The following XPR1 variants were observed in gnomAD, a reference collection of about 807,000 sequenced individuals.
XPR1 encodes the protein solute carrier family 53 member 1.
XPR1 carries 28 observed loss-of-function variants against 87.5 expected under a neutral mutation model. The observed-to-expected ratio is 0.32, with a 90% confidence interval of 0.24 to 0.44. The LOEUF (loss-of-function observed/expected upper bound fraction) is 0.44. Ranked by LOEUF, XPR1 falls within the 20% of genes least tolerant of loss-of-function variation. The pLI, the probability that XPR1 is intolerant of heterozygous loss-of-function variation, is 1.00. For synonymous variants in XPR1, 300 were observed against 306.1 expected (o/e 0.98, Z 0.21); for missense variants, 559 against 862.3 (o/e 0.65, Z 4.41).
At chr1:180,731,335 G>A (rs201584099) in intron 2 of XPR1, among the ~76,000 whole-genome samples, 1 of 152,276 alleles carries the variant, frequency 6.6e-6, no homozygotes, top group African/African-American at 2.4e-5. Context: ...CAGGTGCTGC[G>A]GCCGAGGGGA....
chr1:180,699,202 ATTCT>A (rs1365232128), intron 2 of XPR1, among the ~76,000 whole-genome samples: 2 of 123,782 alleles, frequency 1.6e-5, no homozygotes, highest in Admixed American at 8.1e-5. Flanking sequence ...AGTTTCTTTT[ATTCT>A]TTCTTTTTTT....
chr1:180,716,130 TG>T (rs1053070267), intron 2 of XPR1, among the ~76,000 whole-genome samples: 1 of 152,112 alleles, frequency 6.6e-6, no homozygotes, highest in Non-Finnish European at 1.5e-5. Context: ...TACAGAGTTT[TG>T]GGGGGTTTTT....
At chr1:180,824,664 G>T in intron 7 of XPR1, 89 bp from the exon 8 acceptor site, 1 of 1,128,856 alleles carries the variant, frequency 8.9e-7, no homozygotes, top group African/African-American at 1.6e-5. Context: ...CTATGCCAGG[G>T]CTATATCATT....
Position 180,882,967 on chromosome 1 carries a change from G to GTTTTTTTTTTTTTTT in XPR1, c.2031-1037_2031-1036insTTTTTTTTTTTTTTT, listed in dbSNP as rs1156645233. Among the ~76,000 whole-genome samples, 282 of 150,476 alleles carry GTTTTTTTTTTTTTTT rather than the reference G, an allele frequency of 1.9e-3. 1 individual carries two copies. Among genetic ancestry groups the GTTTTTTTTTTTTTTT allele is most frequent in the African/African-American group, 6.2e-3 (251 of 40,346 alleles). On this transcript the variant is annotated intron_variant, in intron 14 of 14. Transcript: ENST00000367590. Reference sequence around the variant, plus strand: ...TCTTATATTTGTTTTTTGGGGGTTGGTTGTTTTTTTTTGGAGACATGGTCT... The same window carrying GTTTTTTTTTTTTTTT: ...TCTTATATTTGTTTTTTGGGGGTTGGTTTTTTTTTTTTTTTTTGTTTTTTTTTGGAGACATGGTCT...
intron 1 of XPR1, among the ~76,000 whole-genome samples, chr1:180,675,138 C>A (rs749502742): frequency 3.3e-4 from 50 of 151,938 alleles, no homozygotes; most frequent in Non-Finnish European, 5.9e-4. Context: ...TTTATTTTAC[C>A]AAGTTTAAGA....
At chr1:180,743,016 T>C (rs1169940486) in intron 2 of XPR1, among the ~76,000 whole-genome samples, 1 of 152,108 alleles carries the variant, frequency 6.6e-6, no homozygotes, top group East Asian at 1.9e-4. Flanking sequence ...CTTTATATTA[T>C]GTTTGAAGTG....
At chr1:180,694,757 C>T (rs1657104338) in intron 2 of XPR1, among the ~76,000 whole-genome samples, 1 of 146,554 alleles carries the variant, frequency 6.8e-6, no homozygotes, top group Non-Finnish European at 1.5e-5. Flanking sequence ...GTCACCCCGA[C>T]TCCTGATTGT....
chr1:180,713,398 A>G (rs1185626164), intron 2 of XPR1, among the ~76,000 whole-genome samples: 1 of 152,194 alleles, frequency 6.6e-6, no homozygotes, highest in Non-Finnish European at 1.5e-5. Context: ...AATAGATTCC[A>G]TCAGATTTTC....
At chr1:180,842,333 TG>T (rs1484295180) in intron 11 of XPR1, among the ~76,000 whole-genome samples, 10 of 152,098 alleles carry the variant, frequency 6.6e-5, no homozygotes, top group African/African-American at 2.4e-4. Context: ...AAAATTGAGA[TG>T]TAAGAGTAAA....
At chr1:180,754,215 A>G (rs946667446) in intron 2 of XPR1, among the ~76,000 whole-genome samples, 15 of 152,126 alleles carry the variant, frequency 9.9e-5, no homozygotes, top group African/African-American at 2.4e-4. Context: ...GTCTTATACT[A>G]TTATCTATTC....
At chr1:180,751,978 A>C (rs942115876) in intron 2 of XPR1, among the ~76,000 whole-genome samples, 1 of 152,200 alleles carries the variant, frequency 6.6e-6, no homozygotes, top group Non-Finnish European at 1.5e-5. Context: ...AAGTCTGGGG[A>C]TATGAACTTG....
intron 1 of XPR1, among the ~76,000 whole-genome samples, chr1:180,678,329 A>G (rs917846146): frequency 1.3e-5 from 2 of 151,818 alleles, no homozygotes; most frequent in African/African-American, 4.9e-5. Flanking sequence ...TAATCCTCTA[A>G]TCACTTGATT....
At chr1:180,767,033 A>G (rs1229013683) in intron 2 of XPR1, among the ~76,000 whole-genome samples, 1 of 152,208 alleles carries the variant, frequency 6.6e-6, no homozygotes, top group Non-Finnish European at 1.5e-5. Flanking sequence ...ATTCTGAAGG[A>G]CATCCTCTTT....
At chr1:180,692,655 G>A (rs1228654283) in intron 2 of XPR1, among the ~76,000 whole-genome samples, 1 of 152,096 alleles carries the variant, frequency 6.6e-6, no homozygotes. Context: ...ACTAACTTCA[G>A]TCTAGTTCAC....
In XPR1 at chr1:180,873,857, A is replaced by G. The variant is rs147941113; in HGVS notation, c.1723A>G (p.Ile575Val). 1,035 of 1,614,158 alleles carry G rather than the reference A, an allele frequency of 6.4e-4. 2 individuals carry two copies. The highest frequency in any genetic ancestry group is 1.3e-3 in the Admixed American group (80 of 60,016). ...EDVILRFAWT[I>V]QISITSTTLL... Reference sequence around the variant, plus strand: ...TGTGATTCTGCGCTTTGCTTGGACTATCCAAATCTCGATTACCTCTACAAC... The same window carrying G: ...TGTGATTCTGCGCTTTGCTTGGACTGTCCAAATCTCGATTACCTCTACAAC... The change falls in exon 13 of 15, where the codon ATC becomes GTC. Residue 575 changes from isoleucine to valine, a missense_variant. Transcript: ENST00000367590.
Position 180,889,743 on chromosome 1 carries a change from TA to T in XPR1, c.*5678del, listed in dbSNP as rs945228205. 3.3e-5 allele frequency: 5 copies of T among 152,310 alleles called. No homozygotes were observed. The highest frequency in any genetic ancestry group is 9.6e-5 in the African/African-American group (4 of 41,566). The allele number at this position is 152,310 out of a possible 1,614,324, so 9.4% of individuals were successfully genotyped here. ...CAATGAAGAGTATTTAGGAGGGGAATAGGGGGAAAATTGTATTTTTCTGTTC... is the reference window on the plus strand; with the variant it reads ...CAATGAAGAGTATTTAGGAGGGGAATGGGGGAAAATTGTATTTTTCTGTTC... On this transcript the variant is annotated 3_prime_UTR_variant, in exon 15 of 15. Coordinates refer to ENST00000367590, the MANE Select transcript of XPR1 (RefSeq NM_004736.4).
At chr1:180,827,497 A>G (rs1650893287) in intron 9 of XPR1, among the ~76,000 whole-genome samples, 1 of 152,212 alleles carries the variant, frequency 6.6e-6, no homozygotes, top group Non-Finnish European at 1.5e-5. Context: ...TTGAGTAGAT[A>G]TTTATTTGTG....
At chr1:180,771,504 C>G (rs1648511540) in intron 2 of XPR1, among the ~76,000 whole-genome samples, 1 of 152,054 alleles carries the variant, frequency 6.6e-6, no homozygotes, top group African/African-American at 2.4e-5. Flanking sequence ...AACTACAGAC[C>G]TTACTCAAGT....
intron 2 of XPR1, among the ~76,000 whole-genome samples, chr1:180,776,823 T>C (rs950529896): frequency 3.3e-5 from 5 of 152,120 alleles, no homozygotes; most frequent in African/African-American, 1.2e-4. Context: ...GTGAGATTGA[T>C]TTTTTTCTCA....
Sources: gnomAD v4.1 joint callset for allele counts (sites outside exome capture counted in the v4.1 genomes callset) on GRCh38, gnomAD v4.1.1 for gene constraint, MANE v1.5 for transcripts, NCBI Gene and HGNC (gene_info 2026-07-23, HGNC 2026-07-21) for gene names.